TRPC4AP: variants seen among roughly 807,000 people sequenced by gnomAD.
TRPC4AP encodes the protein short transient receptor potential channel 4-associated protein.
Under a neutral mutation model 99.0 loss-of-function variants are expected in TRPC4AP, and 45 were observed. The observed-to-expected ratio is 0.45, with a 90% CI of 0.36 to 0.58. The LOEUF (loss-of-function observed/expected upper bound fraction) is 0.58. Ranked by LOEUF, TRPC4AP falls within the 20% of genes least tolerant of loss-of-function variation. The pLI is 0.00. For missense variants in TRPC4AP, 879 were observed against 985.3 expected, an observed-to-expected ratio of 0.89 and a Z score of 1.44; for synonymous variants, 408 against 385.8, an observed-to-expected ratio of 1.06 and a Z score of -0.67.
chr20:35,087,602 T>C (rs987573138), intron 1 of TRPC4AP, among the ~76,000 whole-genome samples: 7 of 152,176 alleles, frequency 4.6e-5, no homozygotes, highest in African/African-American at 7.2e-5. Context: ...TACTGATCAT[T>C]TGGGGCCTTG....
intron 3 of TRPC4AP, among the ~76,000 whole-genome samples, chr20:35,064,427 G>C (rs908312979): frequency 2.0e-5 from 3 of 152,208 alleles, no homozygotes; most frequent in African/African-American, 7.2e-5. Context: ...CAAATCTTTA[G>C]AAAGTAATTC....
intron 2 of TRPC4AP, 72 bp from the exon 3 acceptor site, chr20:35,069,484 T>C (rs918278342): frequency 1.0e-6 from 1 of 958,098 alleles, no homozygotes; most frequent in Non-Finnish European, 1.7e-6. Context: ...AGCATCAGTT[T>C]GAGCTTTAGT....
chr20:35,079,317 ACT>A, intron 1 of TRPC4AP, among the ~76,000 whole-genome samples: 1 of 152,314 alleles, frequency 6.6e-6, no homozygotes, highest in African/African-American at 2.4e-5. Flanking sequence ...TGGCAAATCA[ACT>A]CTTACAGTTA....
chr20:35,018,604 G>A (rs140177971), intron 9 of TRPC4AP, among the ~76,000 whole-genome samples: 3,602 of 88,954 alleles, frequency 0.04, 1 homozygote, highest in Non-Finnish European at 0.045. Context: ...CTCAAAAAAA[G>A]AAAAAAAAAA....
intron 8 of TRPC4AP, among the ~76,000 whole-genome samples, chr20:35,034,323 C>T (rs975344209): frequency 2.6e-5 from 4 of 151,924 alleles, no homozygotes; most frequent in African/African-American, 9.7e-5. Flanking sequence ...TCTAGTCTTC[C>T]GGGCTTGCCT....
Position 35,057,675 on chromosome 20 carries a change from C to CATA in TRPC4AP, c.415-105_415-104insTAT, listed in dbSNP as rs2083873305. ...GGCCCATGTATCTGTCACAGTATTA[C>CATA]AAGACCCTTTTGTTCCAGGAGGCAG... On this transcript the variant is annotated intron_variant, in intron 3 of 18. Coordinates refer to ENST00000252015, the MANE Select transcript of TRPC4AP (RefSeq NM_015638.3). The CATA allele has an allele frequency of 3.3e-6, 3 of 900,234 alleles. No homozygotes were observed. In the African/African-American group the frequency reaches 5.2e-5, roughly 16 times the overall value. The allele number at this position is 900,234 out of a possible 1,614,324, so 55.8% of individuals were successfully genotyped here. A position where few individuals can be genotyped will look rare whatever the true frequency, so the allele number is the denominator to read the frequency against.
intron 14 of TRPC4AP, among the ~76,000 whole-genome samples, chr20:35,007,223 G>C (rs532464401): frequency 6.6e-5 from 10 of 152,294 alleles, no homozygotes; most frequent in Non-Finnish European, 1.3e-4. Flanking sequence ...TCTGCTCTAA[G>C]TTTTACTTTT....
At chr20:35,009,978 T>C (rs950571492) in intron 12 of TRPC4AP, among the ~76,000 whole-genome samples, 15 of 152,346 alleles carry the variant, frequency 9.8e-5, no homozygotes, top group South Asian at 2.1e-4. Flanking sequence ...CAGGTACTGA[T>C]GGGGCTCCCC....
chr20:35,056,331 T>C (rs1221811968), intron 4 of TRPC4AP, among the ~76,000 whole-genome samples: 1 of 152,074 alleles, frequency 6.6e-6, no homozygotes, highest in Non-Finnish European at 1.5e-5. Flanking sequence ...GATACAGTGG[T>C]GAGGGAAAAA....
At chr20:35,012,122 C>A (rs921034298) in intron 11 of TRPC4AP, among the ~76,000 whole-genome samples, 8 of 152,208 alleles carry the variant, frequency 5.3e-5, no homozygotes, top group Admixed American at 2.0e-4. Flanking sequence ...ATATGTGGTG[C>A]CATTTTTCAG....
At chr20:35,010,781 G>T (rs2082617698) in intron 11 of TRPC4AP, among the ~76,000 whole-genome samples, 1 of 152,048 alleles carries the variant, frequency 6.6e-6, no homozygotes, top group Non-Finnish European at 1.5e-5. Context: ...TTTACTAAAA[G>T]GTATCCCACA....
At chr20:35,085,411 A>C (rs1416428671) in intron 1 of TRPC4AP, among the ~76,000 whole-genome samples, 1 of 152,148 alleles carries the variant, frequency 6.6e-6, no homozygotes, top group Non-Finnish European at 1.5e-5. Flanking sequence ...CAGGAGTTTA[A>C]GACCAGCCTG....
chr20:35,069,259 G>A (rs1435840103), intron 3 of TRPC4AP, 37 bp downstream of exon 3: 2 of 1,170,804 alleles, frequency 1.7e-6, no homozygotes, highest in East Asian at 4.7e-5. Context: ...CCATTAAGCA[G>A]TAGTAACAGC....
At chr20:35,061,062 G>A (rs1280047664) in intron 3 of TRPC4AP, among the ~76,000 whole-genome samples, 1 of 152,148 alleles carries the variant, frequency 6.6e-6, no homozygotes, top group Non-Finnish European at 1.5e-5. Context: ...ACTATTTACA[G>A]ATGTCACAAT....
chr20:35,025,848 T>C (rs75383229), intron 8 of TRPC4AP, among the ~76,000 whole-genome samples: 20,485 of 152,226 alleles, frequency 0.13, 1,685 homozygotes, highest in African/African-American at 0.23. Context: ...GACAGCTAAA[T>C]TGTTAAATCC....
At position 35,092,620 on chromosome 20, in the gene TRPC4AP, C is replaced by T. The variant is rs1413343076; in HGVS notation, c.162G>A (p.Ala54=). The part of the protein sequence containing the change: ...GQLTGRGLVR[A]VQFTETFLTE... ...TCCTGGTCCAGCCTCGTACCTGCAC[C>T]GCCCGGACCAGGCCCCGGCCGGTCA... The change falls in exon 1 of 19, where the codon GCG becomes GCA. Residue 54 remains alanine (A), a synonymous_variant. Transcript: ENST00000252015. 1.4e-5 allele frequency: 21 copies of T among 1,510,614 alleles called. No individual in the cohort carries two copies. Among genetic ancestry groups the T allele is most frequent in the Non-Finnish European group, 1.8e-5 (21 of 1,137,444 alleles). 93.6% of individuals were successfully genotyped at this position (1,510,614 alleles called of 1,614,324 possible).
chr20:35,027,905 G>A (rs915776494), intron 8 of TRPC4AP, among the ~76,000 whole-genome samples: 1 of 151,756 alleles, frequency 6.6e-6, no homozygotes, highest in East Asian at 1.9e-4. Flanking sequence ...GGTCAGTGTG[G>A]CTAAAAGTTT....
Position 35,086,525 on chromosome 20 carries a change from ATGTGTGTGTGTGTGTG to A in TRPC4AP, c.168+6073_168+6088del, listed in dbSNP as rs1176461079. On this transcript the variant is annotated intron_variant, in intron 1 of 18. Transcript: ENST00000252015. ...TATATATATGTGTGTGTGTGTATAT[ATGTGTGTGTGTGTGTG>A]TGTGTGTGTGTGTGTGTGTGTGTGT... Among the ~76,000 whole-genome samples, 455 of 68,740 alleles carry A rather than the reference ATGTGTGTGTGTGTGTG, an allele frequency of 6.6e-3. 16 individuals carry two copies. Among genetic ancestry groups the A allele is most frequent in the East Asian group, 0.011 (24 of 2,206 alleles). The allele number at this position is 68,740 out of a possible 152,430, so 45.1% of individuals were successfully genotyped here. A position where few individuals can be genotyped will look rare whatever the true frequency, so the allele number is the denominator to read the frequency against.
rs1237346011 is a variant in TRPC4AP at position 35,055,091 on chromosome 20, A to G, written c.473-60T>C. The G allele has an allele frequency of 6.8e-6, 10 of 1,476,772 alleles. No homozygotes were observed. In the Admixed American group the frequency reaches 1.7e-4, roughly 25 times the overall value. The allele number at this position is 1,476,772 out of a possible 1,614,324, so 91.5% of individuals were successfully genotyped here. ...TCAATGAAAAGATAGTACAACAGTT[A>G]CCACATTTTTTTCAGCATAAGAACT... On this transcript the variant is annotated intron_variant, in intron 4 of 18. Coordinates refer to ENST00000252015, the MANE Select transcript of TRPC4AP (RefSeq NM_015638.3).
Sources: gnomAD v4.1 joint callset for allele counts (sites outside exome capture counted in the v4.1 genomes callset) on GRCh38, gnomAD v4.1.1 for gene constraint, MANE v1.5 for transcripts, NCBI Gene and HGNC (gene_info 2026-07-23, HGNC 2026-07-21) for gene names.